The following PTBP3 variants were observed in gnomAD, a reference collection of about 807,000 sequenced individuals.
The protein encoded by PTBP3 is polypyrimidine tract-binding protein 3.
Under a neutral mutation model 58.7 loss-of-function variants are expected in PTBP3, and 20 were observed. That is an observed-to-expected ratio of 0.34 (90% CI 0.24 to 0.50). PTBP3 has a LOEUF of 0.50. Ranked by LOEUF, PTBP3 falls within the 20% of genes least tolerant of loss-of-function variation. PTBP3 has a pLI of 0.98. For synonymous variants in PTBP3, 185 were observed against 219.8 expected (o/e 0.84, Z 1.40); for missense variants, 509 against 637.2 (o/e 0.80, Z 2.17).
chr9:112,240,705 G>T (rs184205310), intron 7 of PTBP3, among the ~76,000 whole-genome samples: 1 of 151,580 alleles, frequency 6.6e-6, no homozygotes, highest in Admixed American at 6.6e-5. Flanking sequence ...CCTTCAGGAG[G>T]TATTCCATAA....
upstream of PTBP3, among the ~76,000 whole-genome samples, chr9:112,335,870 C>T (rs1393347140): frequency 2.7e-5 from 4 of 146,288 alleles, no homozygotes; most frequent in Non-Finnish European, 6.0e-5. Flanking sequence ...TGCAGTGAGC[C>T]GAGATCACAC....
At chr9:112,364,241 A>C in the PTBP3 span, among the ~76,000 whole-genome samples, 1 of 141,104 alleles carries the variant, frequency 7.1e-6, no homozygotes, top group Non-Finnish European at 1.5e-5. Flanking sequence ...ATCTTTAAAA[A>C]CAGGCAATAA....
In PTBP3 at chr9:112,262,507, A is replaced by G. The variant is rs150470151; in HGVS notation, c.444T>C (p.Pro148=). 276 of 1,612,052 alleles carry G rather than the reference A, an allele frequency of 1.7e-4. No homozygotes were observed. In the African/African-American group the frequency reaches 3.0e-3, roughly 18 times the overall value. Residue 148 remains proline, a synonymous_variant, in exon 5 of 14, where the codon CCT becomes CCC. Coordinates refer to ENST00000374257, the MANE Select transcript of PTBP3 (RefSeq NM_001163788.4). The stretch of plus-strand genomic sequence containing the variant: ...TTATTCGAAGCACAGGGCTCTGCCC[A>G]GGTAGGACTGTGCCTTCATTGGAAG... ...GGPSNEGTVL[P]GQSPVLRIII...
chr9:112,333,168 A>G (rs1279165742), intron 1 of PTBP3: 1 of 1,171,368 alleles, frequency 8.5e-7, no homozygotes, highest in Non-Finnish European at 1.1e-6. Context: ...CGGAGGGCGG[A>G]CCTCGGCACC....
chr9:112,285,041 G>A (rs895776984), intron 2 of PTBP3, among the ~76,000 whole-genome samples: 1 of 40,838 alleles, frequency 2.4e-5, no homozygotes, highest in Non-Finnish European at 3.9e-5. Context: ...TGAAATTTGG[G>A]AGGGGCCGGG....
intron 1 of PTBP3, among the ~76,000 whole-genome samples, chr9:112,324,805 C>T (rs570337626): frequency 6.6e-6 from 1 of 152,168 alleles, no homozygotes; most frequent in African/African-American, 2.4e-5. Context: ...TACTAGTCCA[C>T]AAGAATACCT....
the PTBP3 span, among the ~76,000 whole-genome samples, chr9:112,356,663 T>A: frequency 1.3e-5 from 2 of 151,840 alleles, no homozygotes; most frequent in Non-Finnish European, 2.9e-5. Context: ...AATTGTCTAC[T>A]GAGGGAATTG....
Position 112,257,459 on chromosome 9 carries a change from G to A in PTBP3, c.517-4671C>T, listed in dbSNP as rs1024305434. Among the ~76,000 whole-genome samples, 6 of 151,916 alleles carry A rather than the reference G, an allele frequency of 3.9e-5. 1 individual carries two copies. The highest frequency in any genetic ancestry group is 2.1e-4 in the South Asian group (1 of 4,820). The stretch of plus-strand genomic sequence containing the variant: ...TTACTCTGTTTCCCTAATATATTTT[G>A]CTGTCAAAAATATGGACAAATACTC... On this transcript the variant is annotated intron_variant, in intron 5 of 13. Coordinates refer to ENST00000374257, the MANE Select transcript of PTBP3 (RefSeq NM_001163788.4).
chr9:112,310,705 G>T (rs962279415), intron 1 of PTBP3, among the ~76,000 whole-genome samples: 1 of 152,128 alleles, frequency 6.6e-6, no homozygotes, highest in Non-Finnish European at 1.5e-5. Flanking sequence ...TTAAAAAGTA[G>T]GAGAAAAAGC....
chr9:112,229,828 T>C (rs751279349), intron 10 of PTBP3, among the ~76,000 whole-genome samples: 18 of 152,198 alleles, frequency 1.2e-4, no homozygotes, highest in Non-Finnish European at 2.1e-4. Flanking sequence ...TCCCAAAGTG[T>C]TGGGATTACA....
the PTBP3 span, among the ~76,000 whole-genome samples, chr9:112,363,269 G>C: frequency 6.6e-6 from 1 of 152,218 alleles, no homozygotes; most frequent in East Asian, 1.9e-4. Context: ...CTGGGGCTGG[G>C]CTTGGTAGCA....
chr9:112,268,774 T>C (rs1827232919), intron 3 of PTBP3, among the ~76,000 whole-genome samples: 1 of 152,048 alleles, frequency 6.6e-6, no homozygotes, highest in African/African-American at 2.4e-5. Flanking sequence ...TTTATGCAGT[T>C]TTCGGTTTTC....
At chr9:112,345,341 TAAAAAAAAAA>T in the PTBP3 span, among the ~76,000 whole-genome samples, 168 of 63,694 alleles carry the variant, frequency 2.6e-3, 1 homozygote, top group South Asian at 4.0e-3. Context: ...CCCTCATCTC[TAAAAAAAAAA>T]AAAAAAAAAA....
chr9:112,294,101 G>A (rs1210574495), intron 2 of PTBP3, among the ~76,000 whole-genome samples: 1 of 151,980 alleles, frequency 6.6e-6, no homozygotes, highest in African/African-American at 2.4e-5. Context: ...AATTAATGGA[G>A]ACCAAATCTC....
Position 112,237,767 on chromosome 9 carries a change from T to G in PTBP3, c.803-2870A>C, listed in dbSNP as rs545958171. On this transcript the variant is annotated intron_variant, in intron 7 of 13. Coordinates refer to ENST00000374257, the MANE Select transcript of PTBP3 (RefSeq NM_001163788.4). ...GGATACTCTCACTGCATTAACCTAT[T>G]AATATAAGCTGAAAATAACCTACCC... 3.9e-5 allele frequency among the ~76,000 whole-genome samples: 6 copies of G among 152,196 alleles called. No homozygotes were observed. The South Asian group carries it at 6.2e-4, about 16-fold the overall frequency.
At chr9:112,367,963 T>A in the PTBP3 span, among the ~76,000 whole-genome samples, 1 of 152,274 alleles carries the variant, frequency 6.6e-6, no homozygotes, top group Admixed American at 6.5e-5. Context: ...ATGATTCCTG[T>A]AGGCTTTCTT....
chr9:112,287,099 A>T (rs1828157283), intron 2 of PTBP3, among the ~76,000 whole-genome samples: 1 of 152,092 alleles, frequency 6.6e-6, no homozygotes, highest in South Asian at 2.1e-4. Flanking sequence ...CAGCAATTTA[A>T]TTATGATAAG....
chr9:112,362,098 G>A, the PTBP3 span, among the ~76,000 whole-genome samples: 1 of 152,104 alleles, frequency 6.6e-6, no homozygotes, highest in African/African-American at 2.4e-5. Flanking sequence ...CAGCACTTTG[G>A]GAGGCTGAGG....
chr9:112,301,672 T>C (rs1325304790), intron 1 of PTBP3, among the ~76,000 whole-genome samples: 1 of 152,130 alleles, frequency 6.6e-6, no homozygotes, highest in African/African-American at 2.4e-5. Context: ...ATTAGTTCTA[T>C]ATCTTGACTG....
Sources: allele counts gnomAD v4.1 joint callset (sites outside exome capture counted in the v4.1 genomes callset), GRCh38; gene constraint gnomAD v4.1.1; transcripts MANE v1.5; gene names NCBI Gene and HGNC (gene_info 2026-07-23, HGNC 2026-07-21).